The following MCF2 variants were observed in gnomAD, a reference collection of about 807,000 sequenced individuals.
MCF2 encodes proto-oncogene DBL.
MCF2 carries 44 observed loss-of-function variants against 82.5 expected under a neutral mutation model. The observed-to-expected ratio is 0.53, with a 90% CI of 0.42 to 0.69. The LOEUF is 0.69. Among genes scored for constraint, MCF2 ranks in the 30% least tolerant of loss-of-function variants. The pLI is 0.00. For missense variants in MCF2, 623 were observed against 663.1 expected (o/e 0.94, Z 0.66); for synonymous variants, 217 against 224.9 (o/e 0.96, Z 0.32).
chrX:139,700,008 T>C (rs2091305441), intron 1 of MCF2, among the ~76,000 whole-genome samples: 1 of 111,550 alleles, frequency 9.0e-6, no homozygotes, highest in African/African-American at 3.3e-5. Flanking sequence ...CGAGCATCTT[T>C]TTCTGTTTCC....
At chrX:139,594,988 A>C (rs1390038518) in intron 19 of MCF2, among the ~76,000 whole-genome samples, 6 of 111,094 alleles carry the variant, frequency 5.4e-5, no homozygotes, top group Non-Finnish European at 9.4e-5. Flanking sequence ...GCTCACCATC[A>C]CTGGCCATCA....
In MCF2 at chrX:139,650,182, C is replaced by G. The variant is rs765175959; in HGVS notation, c.25+1538G>C. On this transcript the variant is annotated intron_variant, in intron 2 of 27. Coordinates refer to the MCF2 transcript ENST00000414978. Reference sequence around the variant, plus strand: ...CCAGCCTAGGCAACATAGCAAAACCCTTTTGCTACAAAAATATAAAAATTA... The same window carrying G: ...CCAGCCTAGGCAACATAGCAAAACCGTTTTGCTACAAAAATATAAAAATTA... Among the ~76,000 whole-genome samples, 4 of 111,282 alleles carry G rather than the reference C, an allele frequency of 3.6e-5. No individual in the cohort carries two copies. In the East Asian group the frequency reaches 1.1e-3, roughly 31 times the overall value.
At chrX:139,588,566 C>A in intron 20 of MCF2, 128 bp from the exon 25 acceptor site, 1 of 406,237 alleles carries the variant, frequency 2.5e-6, no homozygotes, top group Non-Finnish European at 4.3e-6. Flanking sequence ...ATACTCAAAT[C>A]TTAACCGTTT....
At chrX:139,677,684 C>T (rs867029037) in intron 1 of MCF2, among the ~76,000 whole-genome samples, 4 of 111,730 alleles carry the variant, frequency 3.6e-5, no homozygotes, top group African/African-American at 1.3e-4. Flanking sequence ...TTATGTTTCC[C>T]GATCCATATC....
At chrX:139,642,487 A>T in exon 1 of MCF2, 1 of 1,211,451 alleles carries the variant, frequency 8.3e-7, no homozygotes, top group East Asian at 3.0e-5. Context: ...TCTGAACCTC[A>T]TCTTGCCTCT....
At position 139,605,779 on chromosome X, in the gene MCF2, G is replaced by A. The variant is rs774431447; in HGVS notation, c.1491C>T (p.Asn497=). The A allele has an allele frequency of 1.5e-5, 17 of 1,169,912 alleles. No homozygotes were observed. In the Admixed American group the frequency reaches 3.9e-4, roughly 27 times the overall value. ...TCTGTATCAGTTCATTTAGTACGTG[G>A]CTAAAATGAAAAGACCATATTTATC... The change falls in exon 13 of 25, where the codon AAC becomes AAT. Residue 497 remains asparagine (N), a splice_region_variant and synonymous_variant. Coordinates refer to ENST00000370576, the Ensembl canonical transcript of MCF2.
At chrX:139,588,914 G>A (rs778783677) in intron 20 of MCF2, among the ~76,000 whole-genome samples, 46 of 109,242 alleles carry the variant, frequency 4.2e-4, no homozygotes, top group Middle Eastern at 9.3e-3. Flanking sequence ...TGAGCAACAG[G>A]GTGAGACGCT....
chrX:139,633,488 C>G (rs1031079870), intron 1 of MCF2, among the ~76,000 whole-genome samples: 13 of 110,980 alleles, frequency 1.2e-4, no homozygotes, highest in Non-Finnish European at 1.7e-4. Context: ...GATACCTTCC[C>G]CCAGCTGGCA....
chrX:139,665,632 T>C (rs981901862), intron 1 of MCF2, among the ~76,000 whole-genome samples: 1 of 109,954 alleles, frequency 9.1e-6, no homozygotes, highest in African/African-American at 3.3e-5. Flanking sequence ...AGTTTCAACC[T>C]GGTATTATGA....
In MCF2 at chrX:139,605,766, C is replaced by A; in HGVS notation, c.1504G>T (p.Glu502Ter). Reference sequence around the variant, plus strand: ...TAAACTCTCTCAGTCTGTATCAGTTCATTTAGTACGTGGCTAAAATGAAAA... The same window carrying A: ...TAAACTCTCTCAGTCTGTATCAGTTAATTTAGTACGTGGCTAAAATGAAAA... The change falls in exon 13 of 25, where the codon GAA becomes TAA. Residue 502 changes from glutamate to a stop codon, truncating the protein, a stop_gained. Transcript: ENST00000370576. LOFTEE classifies it high-confidence loss of function. The A allele has an allele frequency of 8.4e-7, 1 of 1,190,590 alleles. No homozygotes were observed. The highest frequency in any genetic ancestry group is 1.1e-6 in the Non-Finnish European group (1 of 882,117).
chrX:139,598,153 C>T (rs191491956), intron 17 of MCF2, among the ~76,000 whole-genome samples: 8 of 111,562 alleles, frequency 7.2e-5, no homozygotes, highest in East Asian at 5.6e-4. Flanking sequence ...AAACATTGTG[C>T]GGAAATCAAC....
At position 139,642,327 on chromosome X, in the gene MCF2, A is replaced by G. The variant is rs1933614857; in HGVS notation, c.51+141T>C. 4.9e-6 allele frequency: 4 copies of G among 822,671 alleles called. No individual in the cohort carries two copies. In the African/African-American group the frequency reaches 6.0e-5, roughly 12 times the overall value. The allele number at this position is 822,671 out of a possible 1,213,427, so 67.8% of individuals were successfully genotyped here. On this transcript the variant is annotated intron_variant, in intron 1 of 24. Coordinates refer to ENST00000370576, the Ensembl canonical transcript of MCF2. Reference sequence around the variant, plus strand: ...ATATCACAGTAATCACATCAATGCAATCCATGCAAATATAAGTCTCCATTC... The same window carrying G: ...ATATCACAGTAATCACATCAATGCAGTCCATGCAAATATAAGTCTCCATTC...
intron 16 of MCF2, 107 bp from the exon 21 acceptor site, chrX:139,598,605 A>C (rs1010772951): frequency 1.2e-4 from 49 of 408,256 alleles, no homozygotes; most frequent in Admixed American, 2.6e-4. Context: ...CTTACATCTC[A>C]AAGAATATTT....
At chrX:139,599,849 A>G (rs1420961352) in intron 16 of MCF2, among the ~76,000 whole-genome samples, 1 of 111,814 alleles carries the variant, frequency 8.9e-6, no homozygotes, top group Non-Finnish European at 1.9e-5. Flanking sequence ...TCTACAGAAA[A>G]ACTTATGCAA....
At chrX:139,675,185 T>C (rs1404086778) in intron 1 of MCF2, among the ~76,000 whole-genome samples, 1 of 110,241 alleles carries the variant, frequency 9.1e-6, no homozygotes, top group Non-Finnish European at 1.9e-5. Context: ...CTGTTTATTC[T>C]AGTTCGCCAT....
At chrX:139,692,522 TGGA>T (rs1935297844) in intron 1 of MCF2, among the ~76,000 whole-genome samples, 1 of 111,498 alleles carries the variant, frequency 9.0e-6, no homozygotes. Flanking sequence ...GCGGGGGCTG[TGGA>T]GGAGGGACGC....
chrX:139,585,071 G>A (rs1928828639), exon 24 of MCF2: 1 of 1,170,473 alleles, frequency 8.5e-7, no homozygotes, highest in Non-Finnish European at 1.2e-6. Flanking sequence ...CTAACCATGA[G>A]GGGCCTATTT....
chrX:139,649,682 A>C (rs1283965007), intron 2 of MCF2, among the ~76,000 whole-genome samples: 2 of 111,984 alleles, frequency 1.8e-5, no homozygotes, highest in Non-Finnish European at 3.8e-5. Flanking sequence ...TTTACATTCC[A>C]AATCAGGAAG....
intron 1 of MCF2, among the ~76,000 whole-genome samples, chrX:139,637,785 T>A (rs918108399): frequency 5.4e-5 from 6 of 111,560 alleles, no homozygotes; most frequent in African/African-American, 2.0e-4. Flanking sequence ...TTATCTTATA[T>A]GGTAAAAGAG....
Sources: gnomAD v4.1 joint callset for allele counts (sites outside exome capture counted in the v4.1 genomes callset) on GRCh38, gnomAD v4.1.1 for gene constraint, MANE v1.5 for transcripts, NCBI Gene and HGNC (gene_info 2026-07-23, HGNC 2026-07-21) for gene names.